The following PTPRJ variants were observed in gnomAD, a reference collection of about 807,000 sequenced individuals.
PTPRJ encodes receptor-type tyrosine-protein phosphatase eta.
PTPRJ carries 129 observed loss-of-function variants against 141.3 expected under a neutral mutation model. The ratio of observed to expected loss-of-function variants is 0.91; its 90% CI spans 0.79 to 1.06. The LOEUF (loss-of-function observed/expected upper bound fraction) is 1.06, where lower values mean the gene tolerates loss of function less well. PTPRJ is among the 50% of genes least tolerant of loss of function. The pLI is 0.00. For missense variants in PTPRJ, 1,601 were observed against 1,679.7 expected, an observed-to-expected ratio of 0.95 and a Z score of 0.82; for synonymous variants, 610 against 640.5, an observed-to-expected ratio of 0.95 and a Z score of 0.72.
intron 1 of PTPRJ, among the ~76,000 whole-genome samples, chr11:48,012,842 T>C (rs892901164): frequency 3.9e-5 from 6 of 152,096 alleles, no homozygotes; most frequent in Non-Finnish European, 8.8e-5. Flanking sequence ...CGGTAGCTCA[T>C]GCCTGTAATC....
At chr11:48,102,295 C>T (rs1856168563) in intron 1 of PTPRJ, among the ~76,000 whole-genome samples, 1 of 152,202 alleles carries the variant, frequency 6.6e-6, no homozygotes, top group Non-Finnish European at 1.5e-5. Context: ...CAAGCACTTC[C>T]CCCCGGGAAG....
chr11:48,098,916 T>C (rs1856084588), intron 1 of PTPRJ, among the ~76,000 whole-genome samples: 2 of 152,212 alleles, frequency 1.3e-5, no homozygotes, highest in African/African-American at 4.8e-5. Flanking sequence ...AGACCCTGTG[T>C]TCTTAAATTG....
chr11:47,991,082 A>G (rs953566878), intron 1 of PTPRJ, among the ~76,000 whole-genome samples: 18 of 152,126 alleles, frequency 1.2e-4, no homozygotes, highest in Non-Finnish European at 2.4e-4. Context: ...TATTATATAT[A>G]CACACACAGA....
At chr11:48,139,358 T>G in intron 10 of PTPRJ, 128 bp from the exon 11 acceptor site, 2 of 981,084 alleles carry the variant, frequency 2.0e-6, no homozygotes, top group Non-Finnish European at 3.0e-6. Context: ...CAATTTAGGG[T>G]CAGCCCCTGC....
chr11:48,053,209 TATATAATATATTAA>T (rs1197835635), intron 1 of PTPRJ, among the ~76,000 whole-genome samples: 1 of 95,284 alleles, frequency 1.0e-5, no homozygotes, highest in Non-Finnish European at 1.9e-5. Flanking sequence ...AAATATATTA[TATATAATATATTAA>T]ATATATTATA....
At chr11:48,088,966 A>G (rs1590486831) in intron 1 of PTPRJ, among the ~76,000 whole-genome samples, 1 of 152,154 alleles carries the variant, frequency 6.6e-6, no homozygotes, top group South Asian at 2.1e-4. Context: ...AGAGCTCATC[A>G]TCTATTATTT....
intron 1 of PTPRJ, among the ~76,000 whole-genome samples, chr11:48,018,171 GT>G (rs398055230): frequency 0.012 from 1,697 of 137,130 alleles, 26 homozygotes; most frequent in African/African-American, 0.041. Flanking sequence ...TTTCCTTCCT[GT>G]TTTTTTTTTT....
intron 1 of PTPRJ, among the ~76,000 whole-genome samples, chr11:47,981,525 G>A (rs898752229): frequency 3.9e-5 from 6 of 152,222 alleles, no homozygotes; most frequent in African/African-American, 1.4e-4. Flanking sequence ...CGGGACTCCG[G>A]GCCGAGGGCC....
At chr11:48,136,811 T>A (rs1020061586) in intron 9 of PTPRJ, among the ~76,000 whole-genome samples, 192 bp from the exon 10 acceptor site, 2 of 152,222 alleles carry the variant, frequency 1.3e-5, no homozygotes, top group Admixed American at 1.3e-4. Flanking sequence ...AAATTAAACT[T>A]CTTTTGAGAC....
intron 3 of PTPRJ, among the ~76,000 whole-genome samples, chr11:48,118,744 A>C (rs1364155970): frequency 6.6e-6 from 1 of 152,206 alleles, no homozygotes; most frequent in Non-Finnish European, 1.5e-5. Context: ...TTTGACCAAA[A>C]AATATTGTTA....
intron 7 of PTPRJ, among the ~76,000 whole-genome samples, chr11:48,130,083 T>A (rs1856934393): frequency 6.6e-6 from 1 of 151,130 alleles, no homozygotes; most frequent in Non-Finnish European, 1.5e-5. Context: ...AAGACTGGTC[T>A]CTCTCTGCTG....
chr11:48,000,760 C>G (rs574864748), intron 1 of PTPRJ, among the ~76,000 whole-genome samples: 51 of 152,162 alleles, frequency 3.4e-4, no homozygotes, highest in Middle Eastern at 3.4e-3. Flanking sequence ...TCCTTCATTT[C>G]CTCCCATCCT....
At position 48,109,912 on chromosome 11, in the gene PTPRJ, C is replaced by T. The variant is rs979789097; in HGVS notation, c.97-146C>T. Reference sequence around the variant, plus strand: ...ATTCCCTGTGTTTAATGTCCCAAGACGGCCTAACCCTGACCAGCAGACCTT... The same window carrying T: ...ATTCCCTGTGTTTAATGTCCCAAGATGGCCTAACCCTGACCAGCAGACCTT... On this transcript the variant is annotated intron_variant, in intron 1 of 24. Transcript: ENST00000418331. The T allele has an allele frequency of 1.8e-4, 149 of 823,622 alleles. No homozygotes were observed. In the Admixed American group the frequency reaches 2.4e-3, roughly 13 times the overall value. 51.0% of individuals were successfully genotyped at this position (823,622 alleles called of 1,614,324 possible).
chr11:48,059,073 C>T lies in PTPRJ; in HGVS notation c.97-50985C>T, dbSNP rs550765698. Reference sequence around the variant, plus strand: ...TCAGCTGTTTTATAATAGCTCCTCCCGATCAGTACTCCTGATCGCTCCCTA... The same window carrying T: ...TCAGCTGTTTTATAATAGCTCCTCCTGATCAGTACTCCTGATCGCTCCCTA... On this transcript the variant is annotated intron_variant, in intron 1 of 24. Transcript: ENST00000418331. Among the ~76,000 whole-genome samples, 17 of 151,126 alleles carry T rather than the reference C, an allele frequency of 1.1e-4. No individual in the cohort carries two copies. In the South Asian group the frequency reaches 2.1e-3, roughly 19 times the overall value.
At position 48,125,198 on chromosome 11, in the gene PTPRJ, T is replaced by A; in HGVS notation, c.1093+12T>A. 6.2e-7 allele frequency: 1 copy of A among 1,612,132 alleles called. No individual in the cohort carries two copies. ...AGAGTTCAGGACAAGTAGGTTGAAC[T>A]TTGTAAAATGGTGGCAGCCAGAGTT... On this transcript the variant is annotated intron_variant, in intron 6 of 24. Coordinates refer to ENST00000418331, the MANE Select transcript of PTPRJ (RefSeq NM_002843.4).
In PTPRJ at chr11:48,139,607, C is replaced by T; in HGVS notation, c.2274C>T (p.Ala758=). 2 of 1,614,244 alleles carry T rather than the reference C, an allele frequency of 1.2e-6. No homozygotes were observed. The highest frequency in any genetic ancestry group is 1.7e-6 in the Non-Finnish European group (2 of 1,180,046). Residue 758 remains alanine, a synonymous_variant, in exon 11 of 25, where the codon GCC becomes GCT. Transcript: ENST00000418331. ...AGFELEVSSG[A]WNNATHLESC... ...TTGAGCTGGAGGTCAGCAGTGGAGC[C>T]TGGAACAATGCGACCCACCTGGAGA...
chr11:48,159,814 G>C lies in PTPRJ; in HGVS notation c.3439-116G>C, dbSNP rs985056706. 3.8e-6 allele frequency: 5 copies of C among 1,332,336 alleles called. No homozygotes were observed. In the African/African-American group the frequency reaches 4.4e-5, roughly 12 times the overall value. 82.5% of individuals were successfully genotyped at this position (1,332,336 alleles called of 1,614,324 possible). A position where few individuals can be genotyped will look rare whatever the true frequency, so the allele number is the denominator to read the frequency against. ...CGAAGGGTCAAACAAAACCCAACTA[G>C]AAGGTCTGATTCCATCTCTGATGCC... On this transcript the variant is annotated intron_variant, in intron 21 of 24. Coordinates refer to ENST00000418331, the MANE Select transcript of PTPRJ (RefSeq NM_002843.4).
chr11:48,122,551 TAA>T (rs1366060130), intron 4 of PTPRJ, among the ~76,000 whole-genome samples: 1 of 152,210 alleles, frequency 6.6e-6, no homozygotes, highest in African/African-American at 2.4e-5. Flanking sequence ...GTGGAGAAGT[TAA>T]GTTTCTTCCG....
At chr11:48,057,669 T>C (rs956113159) in intron 1 of PTPRJ, among the ~76,000 whole-genome samples, 4 of 151,792 alleles carry the variant, frequency 2.6e-5, no homozygotes, top group African/African-American at 9.7e-5. Context: ...GAGAACTGTG[T>C]GGAGGGGCAG....
Sources: gnomAD v4.1 joint callset for allele counts (sites outside exome capture counted in the v4.1 genomes callset) on GRCh38, gnomAD v4.1.1 for gene constraint, MANE v1.5 for transcripts, NCBI Gene and HGNC (gene_info 2026-07-23, HGNC 2026-07-21) for gene names.